The following CREB5 variants were observed in gnomAD, a reference collection of about 807,000 sequenced individuals.
CREB5 encodes the protein cAMP responsive element binding protein 5.
In CREB5, 19 loss-of-function variants were observed where a neutral mutation model predicts 57.1. That is an observed-to-expected ratio of 0.33 (90% confidence interval 0.23 to 0.49). The LOEUF (loss-of-function observed/expected upper bound fraction) is 0.49, where lower values mean the gene tolerates loss of function less well. CREB5 is among the 20% of genes least tolerant of loss of function. The probability of loss-of-function intolerance (pLI) is 0.99; values close to 1 mark genes in which losing one functional copy is unlikely to be tolerated. For missense variants in CREB5, 579 were observed against 671.6 expected (o/e 0.86, Z 1.52); for synonymous variants, 238 against 238.3 (o/e 1.00, Z 0.01).
At chr7:28,343,819 A>G (rs910441013) in intron 1 of CREB5, among the ~76,000 whole-genome samples, 1 of 152,214 alleles carries the variant, frequency 6.6e-6, no homozygotes, top group Non-Finnish European at 1.5e-5. Flanking sequence ...GTTGCCACCA[A>G]CAGTGCACAA....
chr7:28,632,701 G>T (rs944804008), intron 5 of CREB5, among the ~76,000 whole-genome samples: 1 of 152,156 alleles, frequency 6.6e-6, no homozygotes, highest in South Asian at 2.1e-4. Flanking sequence ...TAAGGTCTCA[G>T]CTCCAGTGTC....
intron 7 of CREB5, among the ~76,000 whole-genome samples, chr7:28,755,074 C>G (rs1583674154): frequency 6.6e-6 from 1 of 152,204 alleles, no homozygotes; most frequent in East Asian, 1.9e-4. Context: ...GGTATCAGTA[C>G]TGGGGATAAA....
At chr7:28,311,503 C>A (rs1785276468) in intron 1 of CREB5, among the ~76,000 whole-genome samples, 1 of 152,196 alleles carries the variant, frequency 6.6e-6, no homozygotes, top group South Asian at 2.1e-4. Flanking sequence ...TTGGAGCTGT[C>A]CTCCTTTTAC....
chr7:28,528,031 T>A (rs1024476046), intron 4 of CREB5, among the ~76,000 whole-genome samples: 1 of 152,326 alleles, frequency 6.6e-6, no homozygotes, highest in East Asian at 1.9e-4. Flanking sequence ...TGGGCACAAT[T>A]ACATGTGCGG....
At chr7:28,718,140 T>G (rs1481047057) in intron 5 of CREB5, among the ~76,000 whole-genome samples, 1 of 152,244 alleles carries the variant, frequency 6.6e-6, no homozygotes, top group African/African-American at 2.4e-5. Flanking sequence ...GGCTGGTAAT[T>G]GGAGGCTAGG....
At chr7:28,559,582 TG>T (rs1241330995) in intron 4 of CREB5, among the ~76,000 whole-genome samples, 10 of 152,182 alleles carry the variant, frequency 6.6e-5, no homozygotes, top group African/African-American at 2.4e-4. Flanking sequence ...CCCAAAAAGC[TG>T]GGATTACAGG....
At chr7:28,455,936 T>C (rs943902521) in intron 1 of CREB5, among the ~76,000 whole-genome samples, 8 of 152,214 alleles carry the variant, frequency 5.3e-5, no homozygotes, top group Non-Finnish European at 8.8e-5. Flanking sequence ...AATGGACAGA[T>C]AACTTCCCTT....
At chr7:28,356,545 C>T (rs1176488159) in intron 1 of CREB5, among the ~76,000 whole-genome samples, 1 of 152,148 alleles carries the variant, frequency 6.6e-6, no homozygotes. Flanking sequence ...CTTTTGGGGG[C>T]GAACGTGATA....
intron 5 of CREB5, among the ~76,000 whole-genome samples, chr7:28,650,992 T>TGGTAA (rs1799106490): frequency 6.6e-6 from 1 of 152,148 alleles, no homozygotes. Context: ...CAGGTTATTT[T>TGGTAA]CAGGAATGGC....
chr7:28,411,792 G>C (rs1224481002), upstream of CREB5, among the ~76,000 whole-genome samples: 1 of 152,184 alleles, frequency 6.6e-6, no homozygotes, highest in African/African-American at 2.4e-5. Context: ...TGTAGGGTAG[G>C]CATTTGTGAA....
intron 5 of CREB5, among the ~76,000 whole-genome samples, chr7:28,693,780 T>C (rs774712852): frequency 6.6e-6 from 1 of 152,246 alleles, no homozygotes; most frequent in African/African-American, 2.4e-5. Flanking sequence ...GCATAGTAAG[T>C]GCTCAGCAAA....
At chr7:28,431,770 G>T (rs982801669) in intron 1 of CREB5, among the ~76,000 whole-genome samples, 2 of 152,078 alleles carry the variant, frequency 1.3e-5, no homozygotes, top group Non-Finnish European at 2.9e-5. Flanking sequence ...GAGGCGTTCT[G>T]GTGGTATGAG....
At chr7:28,775,639 G>T (rs1485912276) in intron 7 of CREB5, among the ~76,000 whole-genome samples, 1 of 149,426 alleles carries the variant, frequency 6.7e-6, no homozygotes, top group Non-Finnish European at 1.5e-5. Context: ...AGTGATTTTG[G>T]GGGGGTTCAC....
At chr7:28,567,028 A>C (rs1795510554) in intron 4 of CREB5, among the ~76,000 whole-genome samples, 1 of 152,190 alleles carries the variant, frequency 6.6e-6, no homozygotes. Context: ...TACTCTGAAG[A>C]AATTAAACCT....
intron 7 of CREB5, among the ~76,000 whole-genome samples, chr7:28,747,682 GAAAGCTTC>G (rs1298825904): frequency 6.6e-6 from 1 of 152,138 alleles, no homozygotes; most frequent in Non-Finnish European, 1.5e-5. Flanking sequence ...CTCCCTCTGA[GAAAGCTTC>G]AGACACCAGG....
intron 5 of CREB5, among the ~76,000 whole-genome samples, chr7:28,701,597 G>A (rs1396205927): frequency 6.6e-6 from 1 of 152,034 alleles, no homozygotes; most frequent in Non-Finnish European, 1.5e-5. Context: ...CAAACTAGGG[G>A]TATATATTTC....
chr7:28,437,093 T>C (rs1788994100), intron 1 of CREB5, among the ~76,000 whole-genome samples: 2 of 152,092 alleles, frequency 1.3e-5, no homozygotes, highest in Non-Finnish European at 2.9e-5. Context: ...ACTCATAAGG[T>C]CCCACTCCCA....
intron 6 of CREB5, among the ~76,000 whole-genome samples, chr7:28,719,749 T>C (rs895419817): frequency 6.6e-6 from 1 of 152,156 alleles, no homozygotes; most frequent in African/African-American, 2.4e-5. Flanking sequence ...ATAATCATTA[T>C]CTAATAACAA....
intron 7 of CREB5, among the ~76,000 whole-genome samples, chr7:28,786,619 TAGGGTG>T (rs1316329174): frequency 6.6e-6 from 1 of 152,190 alleles, no homozygotes; most frequent in Admixed American, 6.5e-5. Flanking sequence ...AGATAAAAGA[TAGGGTG>T]GGGATGGGAG....
Sources: allele counts gnomAD v4.1 joint callset (sites outside exome capture counted in the v4.1 genomes callset), GRCh38; gene constraint gnomAD v4.1.1; transcripts MANE v1.5; gene names NCBI Gene and HGNC (gene_info 2026-07-23, HGNC 2026-07-21).